Variants in NR3C2 observed in about 807,000 individuals in gnomAD.
NR3C2 encodes the protein mineralocorticoid receptor.
Under a neutral mutation model 86.4 loss-of-function variants are expected in NR3C2, and 15 were observed. That is an observed-to-expected ratio of 0.17 (90% CI 0.12 to 0.27). NR3C2 has a LOEUF of 0.27. NR3C2 is among the 10% of genes least tolerant of loss of function. NR3C2 has a pLI of 1.00. For missense variants in NR3C2, 960 were observed against 1,195.6 expected (o/e 0.80, Z 2.91); for synonymous variants, 458 against 450.5 (o/e 1.02, Z -0.21).
chr4:148,107,196 G>A (rs1731839333), intron 8 of NR3C2, among the ~76,000 whole-genome samples: 1 of 152,014 alleles, frequency 6.6e-6, no homozygotes, highest in African/African-American at 2.4e-5. Context: ...CAAAAAGTGG[G>A]CAAAGACCCT....
intron 2 of NR3C2, among the ~76,000 whole-genome samples, chr4:148,427,838 C>T (rs1395764932): frequency 6.6e-6 from 1 of 152,122 alleles, no homozygotes; most frequent in African/African-American, 2.4e-5. Context: ...AAACCACTCT[C>T]AATGGGCTTC....
At chr4:148,296,090 G>C (rs1442232893) in intron 2 of NR3C2, among the ~76,000 whole-genome samples, 2 of 148,568 alleles carry the variant, frequency 1.3e-5, no homozygotes, top group South Asian at 2.1e-4. Flanking sequence ...TCAAGACAGG[G>C]CTAGGCAGAC....
intron 2 of NR3C2, among the ~76,000 whole-genome samples, chr4:148,326,551 G>A (rs1743981398): frequency 6.6e-6 from 1 of 152,176 alleles, no homozygotes; most frequent in African/African-American, 2.4e-5. Context: ...CACATAGCTA[G>A]AGGTGGTCCA....
intron 2 of NR3C2, among the ~76,000 whole-genome samples, chr4:148,359,444 C>G (rs1745730880): frequency 6.6e-6 from 1 of 152,150 alleles, no homozygotes; most frequent in Admixed American, 6.5e-5. Context: ...ATACCTTCCC[C>G]ACAACAAAGG....
chr4:148,245,189 C>T (rs1034489738), intron 3 of NR3C2, among the ~76,000 whole-genome samples: 1 of 152,182 alleles, frequency 6.6e-6, no homozygotes, highest in Non-Finnish European at 1.5e-5. Context: ...AATAAGAGCA[C>T]TGTGAACAGC....
chr4:148,186,377 T>C (rs977658284), intron 4 of NR3C2, among the ~76,000 whole-genome samples: 3 of 152,182 alleles, frequency 2.0e-5, no homozygotes, highest in East Asian at 1.9e-4. Context: ...CCTTTGTCTA[T>C]AAGTTGTATT....
At chr4:148,200,631 C>T (rs1208897340) in intron 3 of NR3C2, among the ~76,000 whole-genome samples, 3 of 152,136 alleles carry the variant, frequency 2.0e-5, no homozygotes, top group Admixed American at 6.5e-5. Flanking sequence ...AGTTACTTAG[C>T]CTTTTCATAT....
chr4:148,211,420 A>AT lies in NR3C2; in HGVS notation c.1898-16559dup, dbSNP rs537977507. On this transcript the variant is annotated intron_variant, in intron 3 of 8. Coordinates refer to ENST00000358102, the MANE Select transcript of NR3C2 (RefSeq NM_000901.5). ...AGGTGTAAGATAATAAAATGCAGACATGGAAGGCTCATTGCCCTTTTTCTC... is the reference window on the plus strand; with the variant it reads ...AGGTGTAAGATAATAAAATGCAGACATTGGAAGGCTCATTGCCCTTTTTCTC... Among the ~76,000 whole-genome samples the AT allele has an allele frequency of 1.6e-4, 24 of 152,386 alleles. No individual in the cohort carries two copies. The South Asian group carries it at 3.1e-3, about 20-fold the overall frequency.
At chr4:148,369,382 G>A (rs1471253616) in intron 2 of NR3C2, among the ~76,000 whole-genome samples, 1 of 152,108 alleles carries the variant, frequency 6.6e-6, no homozygotes, top group Non-Finnish European at 1.5e-5. Context: ...CTTCCAATAT[G>A]TTTAATTTGT....
intron 8 of NR3C2, among the ~76,000 whole-genome samples, chr4:148,092,666 T>TG (rs755827399): frequency 2.0e-5 from 3 of 152,186 alleles, no homozygotes; most frequent in Non-Finnish European, 4.4e-5. Flanking sequence ...GCACCAATAT[T>TG]GCAAAACTCA....
At chr4:148,412,760 TC>T (rs1322438239) in intron 2 of NR3C2, among the ~76,000 whole-genome samples, 1 of 152,202 alleles carries the variant, frequency 6.6e-6, no homozygotes, top group Non-Finnish European at 1.5e-5. Context: ...AATCTCCCTC[TC>T]TGACCCAGAC....
chr4:148,238,805 G>A (rs1420007103), intron 3 of NR3C2, among the ~76,000 whole-genome samples: 1 of 152,094 alleles, frequency 6.6e-6, no homozygotes, highest in African/African-American at 2.4e-5. Context: ...AAAATAAATA[G>A]GAATTTTAAT....
chr4:148,356,528 C>A (rs1357157081), intron 2 of NR3C2, among the ~76,000 whole-genome samples: 2 of 152,186 alleles, frequency 1.3e-5, no homozygotes, highest in Admixed American at 1.3e-4. Context: ...CAATTTTCTA[C>A]ATGTAAACGT....
chr4:148,365,481 C>T (rs914317726), intron 2 of NR3C2, among the ~76,000 whole-genome samples: 1 of 152,102 alleles, frequency 6.6e-6, no homozygotes, highest in African/African-American at 2.4e-5. Context: ...GATCTTTTGG[C>T]AGCCTGATAA....
chr4:148,352,066 T>C (rs1350742154), intron 2 of NR3C2, among the ~76,000 whole-genome samples: 1 of 152,204 alleles, frequency 6.6e-6, no homozygotes, highest in Non-Finnish European at 1.5e-5. Flanking sequence ...TAACTTGCTG[T>C]AGGGAGAAGG....
intron 8 of NR3C2, among the ~76,000 whole-genome samples, chr4:148,091,377 CAGATGCCTGGCCCTTAGCA>C (rs1273497684): frequency 6.6e-6 from 1 of 152,254 alleles, no homozygotes; most frequent in Non-Finnish European, 1.5e-5. Context: ...GCAGAACCCA[CAGATGCCTGGCCCTTAGCA>C]GATGTTTAAG....
chr4:148,211,639 G>A lies in NR3C2; in HGVS notation c.1898-16777C>T, dbSNP rs373698956. Among the ~76,000 whole-genome samples the A allele has an allele frequency of 1.6e-4, 24 of 152,268 alleles. No individual in the cohort carries two copies. In the South Asian group the frequency reaches 3.1e-3, roughly 20 times the overall value. ...AGAATATTAAAGAAAGAGGGAGTTT[G>A]GTTAACACCTCAGATCAAGTTACGT... On this transcript the variant is annotated intron_variant, in intron 3 of 8. Coordinates refer to ENST00000358102, the MANE Select transcript of NR3C2 (RefSeq NM_000901.5).
At chr4:148,171,186 C>A (rs1407724130) in intron 4 of NR3C2, among the ~76,000 whole-genome samples, 2 of 152,216 alleles carry the variant, frequency 1.3e-5, no homozygotes, top group Non-Finnish European at 2.9e-5. Context: ...CTGCTGACAC[C>A]ACCTGGAGGT....
In NR3C2 at chr4:148,285,186, A is replaced by G. The variant is rs533249608; in HGVS notation, c.1758-25069T>C. On this transcript the variant is annotated intron_variant, in intron 2 of 8. Transcript: ENST00000358102. ...GTCTCATAAGAATATTTTCTGCCAT[A>G]AGAGGAAAGTTATTTACCCCTTGTT... is the stretch of plus-strand genomic sequence containing the variant. Among the ~76,000 whole-genome samples, 5 of 152,324 alleles carry G rather than the reference A, an allele frequency of 3.3e-5. No individual in the cohort carries two copies. The South Asian group carries it at 6.2e-4, about 19-fold the overall frequency.
Sources: allele counts gnomAD v4.1 joint callset (sites outside exome capture counted in the v4.1 genomes callset), GRCh38; gene constraint gnomAD v4.1.1; transcripts MANE v1.5; gene names NCBI Gene and HGNC (gene_info 2026-07-23, HGNC 2026-07-21).